Variants in ABCC4 observed in about 807,000 individuals in gnomAD.
The protein encoded by ABCC4 is ATP binding cassette subfamily C member 4 (PEL blood group).
ABCC4 carries 102 observed loss-of-function variants against 168.5 expected under a neutral mutation model. The ratio of observed to expected loss-of-function variants is 0.61; its 90% confidence interval spans 0.52 to 0.71. The LOEUF (loss-of-function observed/expected upper bound fraction) is 0.71. Ranked by LOEUF, ABCC4 falls within the 30% of genes least tolerant of loss-of-function variation. The probability of loss-of-function intolerance (pLI) is 0.00; values close to 1 mark genes in which losing one functional copy is unlikely to be tolerated. For missense variants in ABCC4, 1,402 were observed against 1,605.8 expected (o/e 0.87, Z 2.17); for synonymous variants, 617 against 590.7 (o/e 1.04, Z -0.65).
chr13:95,240,681 A>G (rs1214449732), intron 3 of ABCC4, among the ~76,000 whole-genome samples: 1 of 151,986 alleles, frequency 6.6e-6, no homozygotes, highest in African/African-American at 2.4e-5. Context: ...ATTATATTTT[A>G]TATTTTTGAA....
At chr13:95,157,088 CCACACACACACACA>C (rs67671921) in intron 19 of ABCC4, among the ~76,000 whole-genome samples, 20 of 134,708 alleles carry the variant, frequency 1.5e-4, no homozygotes, top group East Asian at 8.8e-4. Context: ...TGAGACTCTA[CCACACACACACACA>C]CACACACACA....
At chr13:95,141,471 A>G (rs758477736) in intron 19 of ABCC4, among the ~76,000 whole-genome samples, 2 of 152,180 alleles carry the variant, frequency 1.3e-5, no homozygotes, top group Non-Finnish European at 2.9e-5. Flanking sequence ...GGTGCAGTAT[A>G]AAAGCAGAGA....
intron 5 of ABCC4, among the ~76,000 whole-genome samples, chr13:95,210,009 TGA>T (rs1296616097): frequency 6.6e-6 from 1 of 152,230 alleles, no homozygotes; most frequent in Non-Finnish European, 1.5e-5. Context: ...AGACAGGCAG[TGA>T]GCTTCTTCAG....
At chr13:95,162,989 CAG>C in intron 18 of ABCC4, 131 bp downstream of exon 18, 1 of 664,330 alleles carries the variant, frequency 1.5e-6, no homozygotes, top group Non-Finnish European at 2.7e-6. Context: ...AATTAATTCA[CAG>C]AGTAAATTCG....
intron 4 of ABCC4, among the ~76,000 whole-genome samples, chr13:95,218,905 AAGAGAGAG>A (rs1156394678): frequency 2.3e-5 from 1 of 44,182 alleles, no homozygotes; most frequent in Non-Finnish European, 5.0e-5. Context: ...GAGAGAGAGA[AAGAGAGAG>A]AGAGAGAAAG....
At chr13:95,043,152 T>C (rs966217255) in intron 29 of ABCC4, among the ~76,000 whole-genome samples, 1 of 152,216 alleles carries the variant, frequency 6.6e-6, no homozygotes, top group African/African-American at 2.4e-5. Flanking sequence ...GTTAAATCCT[T>C]TCTGTTGGAA....
At chr13:95,099,879 A>G (rs9584280) in intron 20 of ABCC4, among the ~76,000 whole-genome samples, 7,070 of 152,326 alleles carry the variant, frequency 0.046, 523 homozygotes, top group African/African-American at 0.16. Context: ...ACACTTACCC[A>G]TGCCCCACAT....
intron 27 of ABCC4, among the ~76,000 whole-genome samples, chr13:95,048,273 T>C (rs2032680681): frequency 1.3e-5 from 2 of 152,166 alleles, no homozygotes; most frequent in African/African-American, 4.8e-5. Flanking sequence ...AACTATACAT[T>C]TCAAACACAA....
chr13:95,055,126 C>A (rs1368959695), intron 26 of ABCC4, among the ~76,000 whole-genome samples: 1 of 152,206 alleles, frequency 6.6e-6, no homozygotes, highest in Non-Finnish European at 1.5e-5. Flanking sequence ...CAGGTAAGGT[C>A]TGTCTTAAAA....
At chr13:95,210,525 C>T (rs2038923413) in intron 5 of ABCC4, among the ~76,000 whole-genome samples, 167 bp downstream of exon 5, 1 of 152,162 alleles carries the variant, frequency 6.6e-6, no homozygotes, top group Admixed American at 6.5e-5. Flanking sequence ...GAGGCTGAGA[C>T]AGGAGGATCG....
At chr13:95,132,121 G>T (rs1195599556) in intron 19 of ABCC4, among the ~76,000 whole-genome samples, 1 of 152,162 alleles carries the variant, frequency 6.6e-6, no homozygotes, top group East Asian at 1.9e-4. Context: ...ATCTGTGTGG[G>T]ATTGGTTCCA....
intron 6 of ABCC4, among the ~76,000 whole-genome samples, chr13:95,208,307 T>C (rs1464708572): frequency 6.8e-6 from 1 of 147,430 alleles, no homozygotes; most frequent in African/African-American, 2.5e-5. Context: ...AAAGGGCTGT[T>C]TGTTAACTCC....
intron 1 of ABCC4, among the ~76,000 whole-genome samples, chr13:95,284,476 AC>A (rs2041209643): frequency 6.6e-6 from 1 of 152,178 alleles, no homozygotes. Flanking sequence ...GGCATGAGCC[AC>A]CTTGCCCAGC....
intron 15 of ABCC4, 114 bp downstream of exon 15, chr13:95,166,044 C>A: frequency 9.7e-7 from 1 of 1,033,726 alleles, no homozygotes; most frequent in Admixed American, 2.2e-5. Flanking sequence ...GCCCTGAAAC[C>A]ACAGAATCCA....
At position 95,170,650 on chromosome 13, in the gene ABCC4, G is replaced by T. The variant is rs182529376; in HGVS notation, c.1728-22C>A. The T allele has an allele frequency of 1.2e-4, 175 of 1,516,206 alleles. No homozygotes were observed. In the African/African-American group the frequency reaches 2.2e-3, roughly 19 times the overall value. The allele number at this position is 1,516,206 out of a possible 1,614,324, so 93.9% of individuals were successfully genotyped here. A position where few individuals can be genotyped will look rare whatever the true frequency, so the allele number is the denominator to read the frequency against. On this transcript the variant is annotated intron_variant, in intron 13 of 30. Transcript: ENST00000645237. ...ACACCTATAAATGTAAAAGGCACAG[G>T]GTGAAAAAATGCATGAATGGGGTGC...
At chr13:95,283,759 G>A (rs1005019486) in intron 1 of ABCC4, among the ~76,000 whole-genome samples, 9 of 150,846 alleles carry the variant, frequency 6.0e-5, no homozygotes, top group South Asian at 2.1e-4. Context: ...CTCTATGGGC[G>A]TGGTGGTGCA....
rs1341433947 is a variant in ABCC4, at chr13:95,078,432, CAAG to C, written c.2687-2884_2687-2882del. ...TGTCTCAAAAAAACAAAAACAAAAG[CAAG>C]AAAACAAAAAGATGACTCTTCAACA... On this transcript the variant is annotated intron_variant, in intron 21 of 30. Coordinates refer to ENST00000645237, the MANE Select transcript of ABCC4 (RefSeq NM_005845.5). Among the ~76,000 whole-genome samples the C allele has an allele frequency of 9.1e-3, 212 of 23,240 alleles. 6 individuals are homozygous for C. In the South Asian group the frequency reaches 0.099, roughly 11 times the overall value. 15.2% of individuals were successfully genotyped at this position (23,240 alleles called of 152,430 possible). A position where few individuals can be genotyped will look rare whatever the true frequency, so the allele number is the denominator to read the frequency against.
rs951318002 is a variant in ABCC4 at position 95,066,829 on chromosome 13, C to T, written c.3211-3970G>A. Reference sequence around the variant, plus strand: ...CTTGGTGTAGCTAGAAGGGAGACAGCGGGGAGAAGTGTGGTTGTCTTTAAA... The same window carrying T: ...CTTGGTGTAGCTAGAAGGGAGACAGTGGGGAGAAGTGTGGTTGTCTTTAAA... On this transcript the variant is annotated intron_variant, in intron 25 of 30. Transcript: ENST00000645237. 3.3e-5 allele frequency among the ~76,000 whole-genome samples: 5 copies of T among 152,234 alleles called. No homozygotes were observed. In the South Asian group the frequency reaches 1.0e-3, roughly 32 times the overall value.
At chr13:95,177,976 G>A (rs772921547) in intron 12 of ABCC4, 21 bp downstream of exon 12, 2 of 1,612,442 alleles carry the variant, frequency 1.2e-6, no homozygotes, top group Non-Finnish European at 1.7e-6. Flanking sequence ...CCGGCATAGT[G>A]GCTGCTGAAA....
Sources: gnomAD v4.1 joint callset for allele counts (sites outside exome capture counted in the v4.1 genomes callset) on GRCh38, gnomAD v4.1.1 for gene constraint, MANE v1.5 for transcripts, NCBI Gene and HGNC (gene_info 2026-07-23, HGNC 2026-07-21) for gene names.